MALRD1: variants seen among roughly 807,000 people sequenced by gnomAD.
MALRD1 encodes the protein MAM and LDL receptor class A domain containing 1, also known as MAM and LDL-receptor class A domain-containing protein 1.
A neutral mutation model predicts 242.1 loss-of-function variants in MALRD1; 247 were observed. The ratio of observed to expected loss-of-function variants is 1.02; its 90% CI spans 0.92 to 1.13. The LOEUF (loss-of-function observed/expected upper bound fraction) is 1.13. MALRD1 is among the 50% of genes most tolerant of loss of function. The probability of loss-of-function intolerance (pLI) is 0.00; values close to 1 mark genes in which losing one functional copy is unlikely to be tolerated. For synonymous variants in MALRD1, 995 were observed against 866.6 expected (o/e 1.15, Z -2.60); for missense variants, 2,989 against 2,533.1 (o/e 1.18, Z -3.86).
At position 19,692,308 on chromosome 10, in the gene MALRD1, G is replaced by T. The variant is rs569734829; in HGVS notation, c.6164G>T (p.Arg2055Leu). Residue 2055 changes from arginine (R) to leucine (L), a missense_variant, in exon 37 of 40, where the codon CGA becomes CTA. Coordinates refer to ENST00000454679, the MANE Select transcript of MALRD1 (RefSeq NM_001142308.3). ...TGTAGACAAGGCTGGAAAGGAAATC[G>T]ATGCCATATCAAGTTTAATCCTCCT... ...CRCRQGWKGN[R>L]CHIKFNPPAT... 10 of 1,534,616 alleles carry T rather than the reference G, an allele frequency of 6.5e-6. No homozygotes were observed. In the East Asian group the frequency reaches 2.4e-4, roughly 38 times the overall value.
intron 19 of MALRD1, among the ~76,000 whole-genome samples, chr10:19,270,332 T>A (rs201019088): frequency 1.4e-3 from 105 of 72,670 alleles, no homozygotes; most frequent in African/African-American, 4.9e-3. Context: ...TCTCTCTCTC[T>A]CTCTCACACA....
chr10:19,628,007 A>G (rs1177471546), intron 36 of MALRD1, among the ~76,000 whole-genome samples: 1 of 152,176 alleles, frequency 6.6e-6, no homozygotes, highest in Admixed American at 6.5e-5. Context: ...TTATTTACAG[A>G]AAAAGGAAAA....
chr10:19,289,538 T>C (rs1163703919), intron 21 of MALRD1, among the ~76,000 whole-genome samples: 3 of 152,184 alleles, frequency 2.0e-5, no homozygotes, highest in Non-Finnish European at 4.4e-5. Context: ...TGACAATAAA[T>C]CGTGGAGAAG....
At chr10:19,083,326 T>C (rs1252724641) in intron 2 of MALRD1, among the ~76,000 whole-genome samples, 1 of 152,024 alleles carries the variant, frequency 6.6e-6, no homozygotes, top group Non-Finnish European at 1.5e-5. Context: ...ATCAGCCAGA[T>C]GTTAGGGCTT....
chr10:19,073,919 A>G lies in MALRD1; in HGVS notation c.340+7060A>G, dbSNP rs572424022. Among the ~76,000 whole-genome samples the G allele has an allele frequency of 1.1e-4, 16 of 152,264 alleles. No homozygotes were observed. The South Asian group carries it at 3.1e-3, about 30-fold the overall frequency. The stretch of plus-strand genomic sequence containing the variant: ...CTCTGACTCCAGAAAGCGAAAGAGC[A>G]TTTGAGAAAATAGTTGAAAGATGAG... On this transcript the variant is annotated intron_variant, in intron 2 of 39. Coordinates refer to ENST00000454679, the MANE Select transcript of MALRD1 (RefSeq NM_001142308.3).
At chr10:19,659,285 G>T (rs1230247158) in intron 36 of MALRD1, among the ~76,000 whole-genome samples, 1 of 152,046 alleles carries the variant, frequency 6.6e-6, no homozygotes, top group African/African-American at 2.4e-5. Flanking sequence ...ACAGTTCTAG[G>T]CACTTTCATG....
At chr10:19,124,178 C>T (rs1220710922) in intron 6 of MALRD1, among the ~76,000 whole-genome samples, 1 of 152,044 alleles carries the variant, frequency 6.6e-6, no homozygotes, top group Non-Finnish European at 1.5e-5. Context: ...GATTGCACCA[C>T]TGCATTTGGC....
At chr10:19,591,262 T>C (rs778379888) in intron 33 of MALRD1, among the ~76,000 whole-genome samples, 4 of 152,226 alleles carry the variant, frequency 2.6e-5, no homozygotes, top group Non-Finnish European at 5.9e-5. Flanking sequence ...GTTCTTATTT[T>C]ACAGAGTTAA....
intron 18 of MALRD1, among the ~76,000 whole-genome samples, chr10:19,221,361 T>C (rs1462098616): frequency 1.3e-5 from 2 of 152,174 alleles, no homozygotes. Flanking sequence ...CTTCCAAGTG[T>C]GCATTTGCTA....
rs186350942 is a variant in MALRD1 at position 19,052,491 on chromosome 10, G to A, written c.199+3354G>A. 2.8e-4 allele frequency among the ~76,000 whole-genome samples: 42 copies of A among 152,262 alleles called. No individual in the cohort carries two copies. In the East Asian group the frequency reaches 6.0e-3, roughly 22 times the overall value. On this transcript the variant is annotated intron_variant, in intron 1 of 39. Coordinates refer to ENST00000454679, the MANE Select transcript of MALRD1 (RefSeq NM_001142308.3). The stretch of plus-strand genomic sequence containing the variant: ...ATTGATTCCCATCATAACTGGTGGG[G>A]CACATCTAACTCAACTGTGAAAAGA...
intron 30 of MALRD1, among the ~76,000 whole-genome samples, chr10:19,496,313 G>T (rs1031433181): frequency 1.2e-4 from 18 of 152,122 alleles, no homozygotes; most frequent in African/African-American, 4.1e-4. Flanking sequence ...CCACACAGTT[G>T]TACATAAAAC....
At chr10:19,071,314 T>TTC (rs398114132) in intron 2 of MALRD1, among the ~76,000 whole-genome samples, 96 of 151,862 alleles carry the variant, frequency 6.3e-4, no homozygotes, top group African/African-American at 2.2e-3. Flanking sequence ...TTTTTTTTTT[T>TTC]CTGGCTCTCT....
At chr10:19,637,510 G>A (rs925491384) in intron 36 of MALRD1, among the ~76,000 whole-genome samples, 1 of 152,286 alleles carries the variant, frequency 6.6e-6, no homozygotes, top group South Asian at 2.1e-4. Context: ...GATAAAACTG[G>A]ATACCATGTT....
intron 28 of MALRD1, among the ~76,000 whole-genome samples, chr10:19,433,478 G>T (rs1834229115): frequency 6.6e-6 from 1 of 152,182 alleles, no homozygotes; most frequent in Admixed American, 6.5e-5. Flanking sequence ...TAACATGACA[G>T]CCTCTTAGTG....
intron 21 of MALRD1, among the ~76,000 whole-genome samples, chr10:19,307,297 T>C (rs889662228): frequency 6.6e-6 from 1 of 151,530 alleles, no homozygotes; most frequent in Non-Finnish European, 1.5e-5. Flanking sequence ...GGATACTTGA[T>C]GAATTAGTTC....
intron 26 of MALRD1, among the ~76,000 whole-genome samples, chr10:19,382,665 C>T (rs959007853): frequency 6.6e-6 from 1 of 152,040 alleles, no homozygotes; most frequent in Admixed American, 6.6e-5. Context: ...TCTTTATGTA[C>T]TTTGTTCTTT....
chr10:19,525,021 C>T (rs1043293778), intron 31 of MALRD1, among the ~76,000 whole-genome samples: 3 of 151,944 alleles, frequency 2.0e-5, no homozygotes. Context: ...TTTCCTGCCT[C>T]AGCCTCCCAA....
At chr10:19,556,822 T>A (rs529121937) in intron 32 of MALRD1, among the ~76,000 whole-genome samples, 46 of 152,302 alleles carry the variant, frequency 3.0e-4, no homozygotes, top group African/African-American at 5.8e-4. Context: ...TTCAGTTTTG[T>A]AAGAAACTGC....
At position 19,530,467 on chromosome 10, in the gene MALRD1, ATAAT is replaced by A. The variant is rs1276517743; in HGVS notation, c.5321-724_5321-721del. 4.7e-5 allele frequency among the ~76,000 whole-genome samples: 6 copies of A among 129,030 alleles called. 2 individuals carry two copies. The highest frequency in any genetic ancestry group is 1.1e-4 in the African/African-American group (4 of 36,334). 84.6% of individuals were successfully genotyped at this position (129,030 alleles called of 152,430 possible). A position where few individuals can be genotyped will look rare whatever the true frequency, so the allele number is the denominator to read the frequency against. ...TATAATATATAATATATAATAATAA[ATAAT>A]TATATAATATTTATATAAATAAATA... is the stretch of plus-strand genomic sequence containing the variant. On this transcript the variant is annotated intron_variant, in intron 31 of 39. Coordinates refer to ENST00000454679, the MANE Select transcript of MALRD1 (RefSeq NM_001142308.3).
Sources: allele counts gnomAD v4.1 joint callset (sites outside exome capture counted in the v4.1 genomes callset), GRCh38; gene constraint gnomAD v4.1.1; transcripts MANE v1.5; gene names NCBI Gene and HGNC (gene_info 2026-07-23, HGNC 2026-07-21).